GRM3: variants seen among roughly 807,000 people sequenced by gnomAD.
The protein encoded by GRM3 is metabotropic glutamate receptor 3.
Under a neutral mutation model 70.5 loss-of-function variants are expected in GRM3, and 26 were observed. The observed-to-expected ratio is 0.37, with a 90% CI of 0.27 to 0.51. The LOEUF (loss-of-function observed/expected upper bound fraction) is 0.51, where lower values mean the gene tolerates loss of function less well. GRM3 is among the 20% of genes least tolerant of loss of function. GRM3 has a pLI of 0.93. For synonymous variants in GRM3, 443 were observed against 434.9 expected (o/e 1.02, Z -0.23); for missense variants, 859 against 1,123.8 (o/e 0.76, Z 3.37).
chr7:86,683,792 T>C (rs988507369), intron 1 of GRM3, among the ~76,000 whole-genome samples: 2 of 152,120 alleles, frequency 1.3e-5, no homozygotes, highest in Admixed American at 6.5e-5. Context: ...GTGCCTTTAA[T>C]AGAAGGTTTA....
rs117157677 is a variant in GRM3, at chr7:86,738,223, C to T, written c.-140-26783C>T. ...ATCCACAGTCATTTCCCCTCTTCGA[C>T]TAACTCCTCTGCTCCCAGAAAGAAC... On this transcript the variant is annotated intron_variant, in intron 1 of 5. Coordinates refer to ENST00000361669, the MANE Select transcript of GRM3 (RefSeq NM_000840.3). Among the ~76,000 whole-genome samples the T allele has an allele frequency of 2.1e-3, 313 of 152,294 alleles. 1 individual carries two copies. Among genetic ancestry groups the T allele is most frequent in the Non-Finnish European group, 3.5e-3 (238 of 68,010 alleles).
chr7:86,807,802 G>C (rs546556629), intron 3 of GRM3, among the ~76,000 whole-genome samples: 48 of 152,288 alleles, frequency 3.2e-4, no homozygotes, highest in African/African-American at 1.1e-3. Flanking sequence ...AGTGGTGAGA[G>C]AGGGCATCCC....
At chr7:86,769,584 A>G (rs1444631203) in intron 2 of GRM3, among the ~76,000 whole-genome samples, 2 of 152,088 alleles carry the variant, frequency 1.3e-5, no homozygotes, top group African/African-American at 4.8e-5. Flanking sequence ...AAGGATAGAA[A>G]CTTTTCCGGA....
chr7:86,809,057 TAA>T (rs1312441929), intron 3 of GRM3, among the ~76,000 whole-genome samples: 1 of 152,026 alleles, frequency 6.6e-6, no homozygotes, highest in Non-Finnish European at 1.5e-5. Context: ...TAAAGAAACC[TAA>T]AGAGACTTAT....
chr7:86,760,034 A>G (rs536918135), intron 1 of GRM3, among the ~76,000 whole-genome samples: 22 of 152,292 alleles, frequency 1.4e-4, no homozygotes, highest in African/African-American at 4.8e-4. Flanking sequence ...TACTAGGACT[A>G]ACCCTAACTT....
At chr7:86,684,986 C>G (rs945120391) in intron 1 of GRM3, among the ~76,000 whole-genome samples, 2 of 152,146 alleles carry the variant, frequency 1.3e-5, no homozygotes, top group East Asian at 3.8e-4. Flanking sequence ...AGGAAGCATG[C>G]TATCCATGTT....
intron 3 of GRM3, among the ~76,000 whole-genome samples, chr7:86,821,331 GCTGA>G (rs775639562): frequency 6.6e-6 from 1 of 152,086 alleles, no homozygotes; most frequent in African/African-American, 2.4e-5. Flanking sequence ...CAGAAAACCA[GCTGA>G]CTAACAGCAC....
intron 1 of GRM3, among the ~76,000 whole-genome samples, chr7:86,653,067 G>A (rs1793646420): frequency 6.6e-6 from 1 of 152,234 alleles, no homozygotes; most frequent in Admixed American, 6.5e-5. Context: ...AGTTGCAGAT[G>A]TTGCGAAGTC....
At chr7:86,761,576 G>A (rs963510062) in intron 1 of GRM3, among the ~76,000 whole-genome samples, 2 of 152,044 alleles carry the variant, frequency 1.3e-5, no homozygotes, top group Non-Finnish European at 2.9e-5. Flanking sequence ...AGGGTCATGT[G>A]CAAACATAGA....
At chr7:86,768,836 T>C (rs1433909964) in intron 2 of GRM3, among the ~76,000 whole-genome samples, 1 of 152,092 alleles carries the variant, frequency 6.6e-6, no homozygotes, top group African/African-American at 2.4e-5. Flanking sequence ...TTGGAGCAAT[T>C]AGGCTATACA....
At chr7:86,859,066 C>T (rs1798905303) in intron 5 of GRM3, among the ~76,000 whole-genome samples, 2 of 152,144 alleles carry the variant, frequency 1.3e-5, no homozygotes, top group Admixed American at 6.6e-5. Flanking sequence ...ACTGAAGCCT[C>T]GAACTCCTCG....
intron 4 of GRM3, among the ~76,000 whole-genome samples, chr7:86,845,678 G>C (rs368861135): frequency 6.6e-6 from 1 of 152,132 alleles, no homozygotes; most frequent in Non-Finnish European, 1.5e-5. Flanking sequence ...AATTAGGATG[G>C]GGGAGGGGAG....
intron 4 of GRM3, among the ~76,000 whole-genome samples, chr7:86,843,671 C>G (rs958460327): frequency 3.3e-5 from 5 of 152,092 alleles, no homozygotes; most frequent in Non-Finnish European, 7.4e-5. Context: ...TTGTTCATGT[C>G]TTCCAAAAAA....
At chr7:86,671,018 A>G (rs903786731) in intron 1 of GRM3, among the ~76,000 whole-genome samples, 1 of 152,282 alleles carries the variant, frequency 6.6e-6, no homozygotes, top group East Asian at 1.9e-4. Context: ...TGTTTGAACT[A>G]CTAACTGAAA....
intron 5 of GRM3, among the ~76,000 whole-genome samples, chr7:86,851,402 A>G (rs975290246): frequency 6.6e-6 from 1 of 152,152 alleles, no homozygotes; most frequent in African/African-American, 2.4e-5. Flanking sequence ...ATGTGCCTGA[A>G]GGGGATAACC....
intron 3 of GRM3, among the ~76,000 whole-genome samples, chr7:86,803,725 T>A (rs932726230): frequency 2.0e-5 from 3 of 152,130 alleles, no homozygotes; most frequent in African/African-American, 7.2e-5. Flanking sequence ...AGCCCTTTTT[T>A]CGCATCCCAA....
intron 4 of GRM3, among the ~76,000 whole-genome samples, chr7:86,847,820 T>G (rs537837423): frequency 6.6e-6 from 1 of 152,316 alleles, no homozygotes; most frequent in African/African-American, 2.4e-5. Context: ...TAGTGTGACT[T>G]ACTGAAGGAA....
At chr7:86,727,880 C>T (rs1293234659) in intron 1 of GRM3, among the ~76,000 whole-genome samples, 2 of 152,118 alleles carry the variant, frequency 1.3e-5, no homozygotes, top group Non-Finnish European at 2.9e-5. Context: ...TCAATGACAG[C>T]TTTCATACTA....
chr7:86,652,882 C>A (rs1387968032), intron 1 of GRM3, among the ~76,000 whole-genome samples: 1 of 152,186 alleles, frequency 6.6e-6, no homozygotes, highest in Non-Finnish European at 1.5e-5. Flanking sequence ...GGGACACATG[C>A]ATCCCAGGCT....
Sources: allele counts gnomAD v4.1 joint callset (sites outside exome capture counted in the v4.1 genomes callset), GRCh38; gene constraint gnomAD v4.1.1; transcripts MANE v1.5; gene names NCBI Gene and HGNC (gene_info 2026-07-23, HGNC 2026-07-21).